COL4A1: variants seen among roughly 807,000 people sequenced by gnomAD.
COL4A1 encodes collagen alpha-1(IV) chain.
Under a neutral mutation model 216.6 loss-of-function variants are expected in COL4A1, and 40 were observed. The ratio of observed to expected loss-of-function variants is 0.18; its 90% confidence interval spans 0.14 to 0.24. The LOEUF (loss-of-function observed/expected upper bound fraction) is 0.24. COL4A1 is among the 10% of genes least tolerant of loss of function. COL4A1 has a pLI of 1.00. For missense variants in COL4A1, 1,628 were observed against 2,196.8 expected (o/e 0.74, Z 5.18); for synonymous variants, 839 against 810.7 (o/e 1.03, Z -0.59).
chr13:110,222,629 C>CGGGTGT (rs1270440854), intron 2 of COL4A1, among the ~76,000 whole-genome samples: 4 of 146,208 alleles, frequency 2.7e-5, no homozygotes, highest in Non-Finnish European at 3.0e-5. Flanking sequence ...AAAAATTAGC[C>CGGGTGT]GGGTGTGGTG....
chr13:110,192,392 A>ATCCAAGCAATCATCCAC, intron 23 of COL4A1, 108 bp from the exon 24 acceptor site: 1 of 1,022,860 alleles, frequency 9.8e-7, no homozygotes, highest in Non-Finnish European at 1.5e-6. Flanking sequence ...GAAGTGGATG[A>ATCCAAGCAATCATCCAC]TTGCTTGGAT....
intron 15 of COL4A1, 57 bp from the exon 16 acceptor site, chr13:110,205,595 G>T: frequency 1.3e-6 from 2 of 1,583,080 alleles, no homozygotes; most frequent in South Asian, 1.1e-5. Context: ...GCGCGCGGTG[G>T]CTCATGCCTG....
chr13:110,163,154 T>C (rs1167880745), intron 47 of COL4A1, among the ~76,000 whole-genome samples: 1 of 152,264 alleles, frequency 6.6e-6, no homozygotes. Context: ...CCTTGTCCTT[T>C]GCTGAAATAG....
intron 2 of COL4A1, among the ~76,000 whole-genome samples, chr13:110,236,064 T>C (rs570292778): frequency 6.6e-6 from 1 of 152,264 alleles, no homozygotes; most frequent in African/African-American, 2.4e-5. Context: ...AAAAAGTGAG[T>C]CCCATACCTT....
In COL4A1 at chr13:110,159,142, G is replaced by A. The variant is rs528326548; in HGVS notation, c.4640+2050C>T. On this transcript the variant is annotated intron_variant, in intron 49 of 51. Coordinates refer to ENST00000375820, the MANE Select transcript of COL4A1 (RefSeq NM_001845.6). Reference sequence around the variant, plus strand: ...GTTTTCCATCTTACTTCCTATCAGGGAGGCTCCTGGGGCCTGAAAACGTAC... The same window carrying A: ...GTTTTCCATCTTACTTCCTATCAGGAAGGCTCCTGGGGCCTGAAAACGTAC... 1.1e-4 allele frequency among the ~76,000 whole-genome samples: 17 copies of A among 152,264 alleles called. 2 individuals carry two copies. The South Asian group carries it at 2.5e-3, about 22-fold the overall frequency.
chr13:110,233,848 C>T (rs892245140), intron 2 of COL4A1, among the ~76,000 whole-genome samples: 10 of 152,210 alleles, frequency 6.6e-5, no homozygotes, highest in African/African-American at 2.4e-4. Context: ...AACATTCTAA[C>T]ATCCCTTTAA....
At chr13:110,161,757 G>C (rs1189353482) in intron 48 of COL4A1, among the ~76,000 whole-genome samples, 1 of 152,234 alleles carries the variant, frequency 6.6e-6, no homozygotes, top group East Asian at 1.9e-4. Flanking sequence ...GAGGATATCT[G>C]GGTCAGATTA....
chr13:110,236,442 G>A (rs1243709580), intron 2 of COL4A1, among the ~76,000 whole-genome samples: 2 of 152,160 alleles, frequency 1.3e-5, no homozygotes, highest in African/African-American at 2.4e-5. Flanking sequence ...AAAAACATGC[G>A]TTGATTAATT....
At chr13:110,262,134 G>C (rs1240200569) in intron 1 of COL4A1, among the ~76,000 whole-genome samples, 1 of 152,198 alleles carries the variant, frequency 6.6e-6, no homozygotes, top group African/African-American at 2.4e-5. Flanking sequence ...TGAGTACCCC[G>C]TGTGCAGTAG....
At chr13:110,178,681 G>A (rs540402052) in intron 31 of COL4A1, among the ~76,000 whole-genome samples, 3 of 152,242 alleles carry the variant, frequency 2.0e-5, no homozygotes, top group Non-Finnish European at 2.9e-5. Context: ...GAAACGTGAC[G>A]GAGTACACAA....
rs1259424848 is a variant in COL4A1 at position 110,167,244 on chromosome 13, G to A, written c.3877-14C>T. ...GCCACCAATACCCTAGACACGCAAA[G>A]AGGAGGTTGGGAATTGCTCAGGATA... On this transcript the variant is annotated splice_polypyrimidine_tract_variant and intron_variant, in intron 43 of 51. Coordinates refer to ENST00000375820, the MANE Select transcript of COL4A1 (RefSeq NM_001845.6). The A allele has an allele frequency of 1.2e-6, 2 of 1,603,684 alleles. No homozygotes were observed. Among genetic ancestry groups the A allele is most frequent in the East Asian group, 2.2e-5 (1 of 44,822 alleles).
intron 1 of COL4A1, among the ~76,000 whole-genome samples, chr13:110,256,430 T>A (rs562992): frequency 6.6e-6 from 1 of 152,124 alleles, no homozygotes; most frequent in Non-Finnish European, 1.5e-5. Flanking sequence ...GGTGCTGCCC[T>A]GTCAGGAACC....
At chr13:110,155,432 G>A (rs374495995) in intron 49 of COL4A1, 35 bp from the exon 50 acceptor site, 1 of 1,535,582 alleles carries the variant, frequency 6.5e-7, no homozygotes, top group South Asian at 1.1e-5. Flanking sequence ...GCACAGCCGG[G>A]GTGCAGGGCA....
chr13:110,300,256 G>T (rs1394495713), intron 1 of COL4A1, among the ~76,000 whole-genome samples: 1 of 152,180 alleles, frequency 6.6e-6, no homozygotes, highest in African/African-American at 2.4e-5. Flanking sequence ...CTGAATGTGA[G>T]GATTAGGCAA....
intron 2 of COL4A1, among the ~76,000 whole-genome samples, chr13:110,242,277 T>C (rs916141147): frequency 1.3e-4 from 20 of 152,200 alleles, no homozygotes; most frequent in Admixed American, 9.8e-4. Flanking sequence ...TAAAAGATGG[T>C]TTAAAAATAC....
chr13:110,240,433 G>C (rs1199358642), intron 2 of COL4A1, among the ~76,000 whole-genome samples: 4 of 152,350 alleles, frequency 2.6e-5, no homozygotes, highest in African/African-American at 9.6e-5. Context: ...CAAGGCTAAA[G>C]CTGGCCCCTG....
At chr13:110,177,775 G>T in intron 33 of COL4A1, 67 bp downstream of exon 33, 1 of 1,530,168 alleles carries the variant, frequency 6.5e-7, no homozygotes, top group Non-Finnish European at 9.0e-7. Flanking sequence ...ATGACAACTT[G>T]AGAATTTCCC....
chr13:110,305,495 T>G (rs547520079), intron 1 of COL4A1, among the ~76,000 whole-genome samples: 5 of 152,266 alleles, frequency 3.3e-5, no homozygotes, highest in Non-Finnish European at 7.3e-5. Context: ...AATGAAGAAC[T>G]TTCTCTGATT....
rs529220038 is a variant in COL4A1 at position 110,234,942 on chromosome 13, T to C, written c.144+7733A>G. Among the ~76,000 whole-genome samples the C allele has an allele frequency of 3.0e-4, 46 of 152,376 alleles. No homozygotes were observed. In the South Asian group the frequency reaches 3.3e-3, roughly 11 times the overall value. Reference sequence around the variant, plus strand: ...AATTAGTAATCTCAAATATGCTTAATGCACTACCTAAACAAAGCTTATATT... The same window carrying C: ...AATTAGTAATCTCAAATATGCTTAACGCACTACCTAAACAAAGCTTATATT... On this transcript the variant is annotated intron_variant, in intron 2 of 51. Coordinates refer to ENST00000375820, the MANE Select transcript of COL4A1 (RefSeq NM_001845.6).
Sources: gnomAD v4.1 joint callset for allele counts (sites outside exome capture counted in the v4.1 genomes callset) on GRCh38, gnomAD v4.1.1 for gene constraint, MANE v1.5 for transcripts, NCBI Gene and HGNC (gene_info 2026-07-23, HGNC 2026-07-21) for gene names.